Variants in DOCK10 observed in about 807,000 individuals in gnomAD.
The protein encoded by DOCK10 is dedicator of cytokinesis 10, also known as dedicator of cytokinesis protein 10.
DOCK10 carries 145 observed loss-of-function variants against 280.1 expected under a neutral mutation model. The observed-to-expected ratio is 0.52, with a 90% confidence interval of 0.45 to 0.59. The LOEUF (loss-of-function observed/expected upper bound fraction) is 0.59. Among genes scored for constraint, DOCK10 ranks in the 20% least tolerant of loss-of-function variants. The pLI is 0.00. For synonymous variants in DOCK10, 915 were observed against 942.2 expected (o/e 0.97, Z 0.53); for missense variants, 2,368 against 2,651.7 (o/e 0.89, Z 2.35).
chr2:224,919,593 T>A (rs995494338), intron 2 of DOCK10, among the ~76,000 whole-genome samples: 4 of 150,954 alleles, frequency 2.6e-5, no homozygotes, highest in Admixed American at 6.6e-5. Flanking sequence ...CATGTGTGAA[T>A]GAATGTGATG....
At position 224,800,236 on chromosome 2, in the gene DOCK10, T is replaced by C. The variant is rs1466469124; in HGVS notation, c.4421A>G (p.His1474Arg). The stretch of plus-strand genomic sequence containing the variant: ...TATATTGGCCTCAGTGTCTACATGA[T>C]GCACGATGTCTATTTCATTGGAGTT... ...TSNSNEIDIV[H>R]HVDTEANIAT... The change falls in exon 41 of 56, where the codon CAT (histidine) becomes CGT (arginine). Residue 1474 changes from histidine to arginine, a missense_variant. By Grantham distance (29) the His-to-Arg change is conservative. Coordinates refer to ENST00000258390, the MANE Select transcript of DOCK10 (RefSeq NM_014689.3). 6 of 1,611,090 alleles carry C rather than the reference T, an allele frequency of 3.7e-6. No homozygotes were observed. The highest frequency in any genetic ancestry group is 4.5e-5 in the East Asian group (2 of 44,812).
chr2:224,824,383 T>C (rs1694705728), intron 27 of DOCK10, among the ~76,000 whole-genome samples: 1 of 148,244 alleles, frequency 6.7e-6, no homozygotes, highest in Non-Finnish European at 1.5e-5. Context: ...CTCCTGCATA[T>C]GAGGGGAACA....
At position 224,892,819 on chromosome 2, in the gene DOCK10, G is replaced by A. The variant is rs1172311628; in HGVS notation, c.416+3476C>T. On this transcript the variant is annotated intron_variant, in intron 4 of 55. Transcript: ENST00000258390. ...CTGAAGATTCTTATTTCCCAATCCG[G>A]TTTTTAATAAGCCACAAGGCACAGC... 2.0e-5 allele frequency among the ~76,000 whole-genome samples: 3 copies of A among 152,334 alleles called. No individual in the cohort carries two copies. The East Asian group carries it at 5.8e-4, about 29-fold the overall frequency.
At chr2:224,980,736 A>G (rs1705701569) in intron 1 of DOCK10, among the ~76,000 whole-genome samples, 4 of 152,192 alleles carry the variant, frequency 2.6e-5, no homozygotes, top group Admixed American at 6.5e-5. Flanking sequence ...TTTTGGAATC[A>G]TTGCTCTAAG....
intron 3 of DOCK10, among the ~76,000 whole-genome samples, chr2:224,900,591 T>C (rs912415136): frequency 1.3e-5 from 2 of 152,236 alleles, no homozygotes; most frequent in African/African-American, 4.8e-5. Context: ...AATATTTCTG[T>C]TTCTGTTTTA....
chr2:225,031,565 GA>G (rs1183027613), intron 1 of DOCK10, among the ~76,000 whole-genome samples: 1 of 152,196 alleles, frequency 6.6e-6, no homozygotes, highest in African/African-American at 2.4e-5. Flanking sequence ...GATAGAAGCA[GA>G]GACAAAAGCC....
At chr2:224,948,240 G>T (rs1703536039) in intron 1 of DOCK10, among the ~76,000 whole-genome samples, 1 of 152,212 alleles carries the variant, frequency 6.6e-6, no homozygotes, top group Non-Finnish European at 1.5e-5. Context: ...AAGGGATTCT[G>T]ATTATTCCTG....
rs2125214934 is a variant in DOCK10, at chr2:224,805,703, G to C, written c.3815-174C>G. ...TAAAGCCAGCTCTTGTTTTAAAAATGCTTTAGTAAAAGTTCATAAAGATAC... is the reference window on the plus strand; with the variant it reads ...TAAAGCCAGCTCTTGTTTTAAAAATCCTTTAGTAAAAGTTCATAAAGATAC... On this transcript the variant is annotated intron_variant, in intron 34 of 55. Coordinates refer to ENST00000258390, the MANE Select transcript of DOCK10 (RefSeq NM_014689.3). This position sits in a 1 kb window ranked among gnomAD's most constrained non-coding sequence, Gnocchi z 4.3. 6.6e-6 allele frequency among the ~76,000 whole-genome samples: 1 copy of C among 152,220 alleles called. No individual in the cohort carries two copies. The highest frequency in any genetic ancestry group is 1.5e-5 in the Non-Finnish European group (1 of 68,002).
intron 1 of DOCK10, among the ~76,000 whole-genome samples, chr2:225,014,081 A>G (rs368335466): frequency 2.0e-4 from 19 of 96,824 alleles, no homozygotes; most frequent in African/African-American, 7.0e-4. Flanking sequence ...GTCTGAATAT[A>G]TTGTTTTTTT....
intron 16 of DOCK10, among the ~76,000 whole-genome samples, chr2:224,854,289 T>C (rs1158823697): frequency 6.6e-6 from 1 of 151,944 alleles, no homozygotes; most frequent in Admixed American, 6.6e-5. Flanking sequence ...AACAAACCAA[T>C]TTTACCACTT....
chr2:224,986,374 A>G (rs1483698554), intron 1 of DOCK10, among the ~76,000 whole-genome samples: 4 of 152,142 alleles, frequency 2.6e-5, no homozygotes, highest in African/African-American at 9.7e-5. Context: ...GGTCCATTTC[A>G]GGATCCTAAT....
intron 2 of DOCK10, among the ~76,000 whole-genome samples, chr2:224,925,035 C>A (rs912998026): frequency 3.3e-5 from 5 of 152,076 alleles, no homozygotes; most frequent in African/African-American, 1.2e-4. Context: ...GAATCTAATT[C>A]GACAAAGACT....
intron 2 of DOCK10, among the ~76,000 whole-genome samples, chr2:224,921,108 A>ATATATATATATATATAT (rs1553613930): frequency 2.8e-5 from 2 of 71,074 alleles, no homozygotes; most frequent in African/African-American, 1.0e-4. Flanking sequence ...AAAAAAAAAA[A>ATATATATATATATATAT]AAAAATATAT....
chr2:224,916,383 A>C (rs1054798511), intron 3 of DOCK10, among the ~76,000 whole-genome samples: 3 of 152,142 alleles, frequency 2.0e-5, no homozygotes, highest in African/African-American at 4.8e-5. Context: ...TCTACTAAAA[A>C]TACAAAAATT....
At chr2:224,986,468 T>A (rs1705975995) in intron 1 of DOCK10, among the ~76,000 whole-genome samples, 1 of 152,104 alleles carries the variant, frequency 6.6e-6, no homozygotes, top group Admixed American at 6.5e-5. Flanking sequence ...CCCCCAAAAT[T>A]CATATGTTGG....
At chr2:224,941,477 G>C (rs1703070817) in intron 1 of DOCK10, among the ~76,000 whole-genome samples, 1 of 152,160 alleles carries the variant, frequency 6.6e-6, no homozygotes, top group Non-Finnish European at 1.5e-5. Flanking sequence ...GCAAGAGAAG[G>C]CTGGGGCTGG....
At chr2:224,843,107 C>G (rs1696082480) in intron 22 of DOCK10, among the ~76,000 whole-genome samples, 1 of 152,100 alleles carries the variant, frequency 6.6e-6, no homozygotes, top group Non-Finnish European at 1.5e-5. Flanking sequence ...AATTACTCCC[C>G]ATATTGCGGG....
At chr2:224,967,404 T>C (rs1348483160) in intron 1 of DOCK10, among the ~76,000 whole-genome samples, 2 of 152,194 alleles carry the variant, frequency 1.3e-5, no homozygotes, top group African/African-American at 4.8e-5. Flanking sequence ...TCTTATCTGG[T>C]GTTAAAATGT....
intron 2 of DOCK10, among the ~76,000 whole-genome samples, chr2:224,928,310 C>T (rs1006106342): frequency 2.0e-5 from 3 of 152,202 alleles, no homozygotes; most frequent in Non-Finnish European, 4.4e-5. Context: ...GCTTCTACTG[C>T]AACTCTGTTG....
Sources: gnomAD v4.1 joint callset for allele counts (sites outside exome capture counted in the v4.1 genomes callset) on GRCh38, gnomAD v4.1.1 for gene constraint, Gnocchi (gnomAD v3.1) non-coding constraint, MANE v1.5 for transcripts, NCBI Gene and HGNC (gene_info 2026-07-23, HGNC 2026-07-21) for gene names.